Variants in RBM20 observed in about 807,000 individuals in gnomAD.
The protein encoded by RBM20 is RNA-binding protein 20.
A neutral mutation model predicts 110.1 loss-of-function variants in RBM20; 51 were observed. The observed-to-expected ratio is 0.46, with a 90% CI of 0.37 to 0.59. RBM20 has a LOEUF of 0.59. Ranked by LOEUF, RBM20 falls within the 20% of genes least tolerant of loss-of-function variation. The pLI, the probability that RBM20 is intolerant of heterozygous loss-of-function variation, is 0.00. For synonymous variants in RBM20, 589 were observed against 618.2 expected (o/e 0.95, Z 0.70); for missense variants, 1,512 against 1,574.9 (o/e 0.96, Z 0.68).
intron 1 of RBM20, among the ~76,000 whole-genome samples, chr10:110,692,976 G>T (rs957085307): frequency 1.3e-5 from 2 of 152,156 alleles, no homozygotes; most frequent in South Asian, 2.1e-4. Context: ...TCATAAAAAG[G>T]TGTTGAATTT....
intron 1 of RBM20, among the ~76,000 whole-genome samples, chr10:110,656,564 C>T (rs987353895): frequency 1.3e-5 from 2 of 152,140 alleles, no homozygotes; most frequent in Non-Finnish European, 2.9e-5. Flanking sequence ...TCACCACTCT[C>T]CAGTACCAAA....
intron 1 of RBM20, among the ~76,000 whole-genome samples, chr10:110,709,536 A>G (rs550647235): frequency 1.3e-5 from 2 of 150,048 alleles, no homozygotes; most frequent in African/African-American, 4.9e-5. Context: ...CATCTTAAAC[A>G]TGATTTTAAA....
At position 110,831,676 on chromosome 10, in the gene RBM20, A is replaced by AAAC. The variant is rs1554844391; in HGVS notation, c.3573+496_3573+497insCAA. ...CCCTGCTTGCTAGAATAAAAAAAAA[A>AAAC]AAAAAAAAAAAAAAACACTGCTTTG... On this transcript the variant is annotated intron_variant, in intron 13 of 13. Transcript: ENST00000369519. Among the ~76,000 whole-genome samples the AAAC allele has an allele frequency of 2.1e-4, 29 of 139,326 alleles. No individual in the cohort carries two copies. In the South Asian group the frequency reaches 2.5e-3, roughly 12 times the overall value. 91.4% of individuals were successfully genotyped at this position (139,326 alleles called of 152,430 possible).
chr10:110,667,797 C>T (rs1862200213), intron 1 of RBM20, among the ~76,000 whole-genome samples: 1 of 152,166 alleles, frequency 6.6e-6, no homozygotes, highest in African/African-American at 2.4e-5. Context: ...CCTCACTGAT[C>T]ACAAAGCCAT....
intron 1 of RBM20, among the ~76,000 whole-genome samples, chr10:110,755,488 T>G (rs1295611899): frequency 6.6e-6 from 1 of 151,936 alleles, no homozygotes; most frequent in Non-Finnish European, 1.5e-5. Context: ...TCACCTAACC[T>G]TCCCTCGTAG....
chr10:110,699,711 T>C (rs993985419), intron 1 of RBM20, among the ~76,000 whole-genome samples: 10 of 152,298 alleles, frequency 6.6e-5, no homozygotes, highest in South Asian at 2.1e-4. Context: ...AGACCCTCAG[T>C]GGATACCTGA....
chr10:110,797,240 C>T (rs902473155), intron 5 of RBM20, among the ~76,000 whole-genome samples: 7 of 152,054 alleles, frequency 4.6e-5, no homozygotes, highest in African/African-American at 9.7e-5. Flanking sequence ...TGCAGTAAGC[C>T]GTGTTTGCAC....
Position 110,812,441 on chromosome 10 carries a change from G to A in RBM20, c.2044G>A (p.Ala682Thr). 1 of 1,551,734 alleles carries A rather than the reference G, an allele frequency of 6.4e-7. No homozygotes were observed. The highest frequency in any genetic ancestry group is 8.7e-7 in the Non-Finnish European group (1 of 1,146,992). The change falls in exon 9 of 14, where the codon GCC (alanine) becomes ACC (threonine). Residue 682 changes from alanine to threonine, a missense_variant. By Grantham distance (58) the Ala-to-Thr change is moderately conservative (BLOSUM62 0). Coordinates refer to ENST00000369519, the MANE Select transcript of RBM20 (RefSeq NM_001134363.3). Reference protein sequence around the residue: ...GRDSWEHSPYARREEERDPAP... With the variant: ...GRDSWEHSPYTRREEERDPAP... ...GGACTCCTGGGAGCACTCTCCCTATGCCAGGAGGGAGGAAGAGCGAGACCC... is the reference window on the plus strand; with the variant it reads ...GGACTCCTGGGAGCACTCTCCCTATACCAGGAGGGAGGAAGAGCGAGACCC...
At chr10:110,720,119 T>A (rs998105546) in intron 1 of RBM20, among the ~76,000 whole-genome samples, 1 of 152,178 alleles carries the variant, frequency 6.6e-6, no homozygotes, top group Admixed American at 6.5e-5. Context: ...AATCACCTCC[T>A]AAAGCCCTCA....
intron 1 of RBM20, among the ~76,000 whole-genome samples, chr10:110,675,762 G>A (rs2134849768): frequency 6.6e-6 from 1 of 152,292 alleles, no homozygotes; most frequent in African/African-American, 2.4e-5. Context: ...CTTACCAGCT[G>A]TGACCTTGGA....
intron 13 of RBM20, among the ~76,000 whole-genome samples, chr10:110,833,687 T>G (rs1190453352): frequency 1.3e-5 from 2 of 152,204 alleles, no homozygotes; most frequent in East Asian, 3.8e-4. Flanking sequence ...GTTCTGAGCC[T>G]CTGGGCCACG....
At chr10:110,710,187 A>G (rs928727849) in intron 1 of RBM20, among the ~76,000 whole-genome samples, 6 of 152,168 alleles carry the variant, frequency 3.9e-5, no homozygotes, top group South Asian at 2.1e-4. Context: ...ACAGATACCA[A>G]TAGTTGGACT....
At chr10:110,826,888 C>T (rs778657862) in intron 12 of RBM20, among the ~76,000 whole-genome samples, 8 of 152,090 alleles carry the variant, frequency 5.3e-5, no homozygotes, top group Admixed American at 2.0e-4. Context: ...CCACCGTGCC[C>T]GGCCAGTCTG....
At chr10:110,761,314 G>A (rs1417815916) in intron 1 of RBM20, 2 of 147,076 alleles carry the variant, frequency 1.4e-5, no homozygotes, top group East Asian at 2.0e-4. Flanking sequence ...TCCTGTTAAC[G>A]GTTTGGTATG....
At chr10:110,645,687 A>G (rs534780655) in intron 1 of RBM20, among the ~76,000 whole-genome samples, 263 of 152,368 alleles carry the variant, frequency 1.7e-3, no homozygotes, top group Middle Eastern at 6.8e-3. Context: ...TTAAGTATTT[A>G]TTGTTTTGAA....
intron 12 of RBM20, among the ~76,000 whole-genome samples, chr10:110,830,774 G>GGAGA (rs1302514114): frequency 6.6e-6 from 1 of 152,218 alleles, no homozygotes; most frequent in Non-Finnish European, 1.5e-5. Flanking sequence ...GCTGATAGTA[G>GGAGA]GAGAACAGGC....
chr10:110,717,248 C>A (rs1027612575), intron 1 of RBM20, among the ~76,000 whole-genome samples: 5 of 152,106 alleles, frequency 3.3e-5, no homozygotes, highest in Non-Finnish European at 7.4e-5. Flanking sequence ...GCAGTGACAG[C>A]CTTCATATTT....
At chr10:110,750,826 C>T (rs1436894860) in intron 1 of RBM20, among the ~76,000 whole-genome samples, 1 of 152,132 alleles carries the variant, frequency 6.6e-6, no homozygotes, top group Admixed American at 6.6e-5. Flanking sequence ...AGAAATACAC[C>T]TGGGTATGGT....
intron 1 of RBM20, among the ~76,000 whole-genome samples, chr10:110,668,187 TACTG>T (rs1452345058): frequency 6.6e-6 from 1 of 152,076 alleles, no homozygotes; most frequent in Non-Finnish European, 1.5e-5. Flanking sequence ...CTAACTCAAT[TACTG>T]ACGTATGCCA....
Sources: gnomAD v4.1 joint callset for allele counts (sites outside exome capture counted in the v4.1 genomes callset) on GRCh38, gnomAD v4.1.1 for gene constraint, MANE v1.5 for transcripts, NCBI Gene and HGNC (gene_info 2026-07-23, HGNC 2026-07-21) for gene names.